ZNF609: variants seen among roughly 807,000 people sequenced by gnomAD.
ZNF609 encodes zinc finger protein 609.
ZNF609 carries 11 observed loss-of-function variants against 109.5 expected under a neutral mutation model. That is an observed-to-expected ratio of 0.10 (90% confidence interval 0.06 to 0.17). The LOEUF is 0.17. Ranked by LOEUF, ZNF609 falls within the 10% of genes least tolerant of loss-of-function variation. The pLI is 1.00. For missense variants in ZNF609, 1,559 were observed against 1,772.4 expected (o/e 0.88, Z 2.16); for synonymous variants, 646 against 662.0 (o/e 0.98, Z 0.37).
chr15:64,549,448 T>C (rs1259810772), intron 2 of ZNF609, among the ~76,000 whole-genome samples: 1 of 152,186 alleles, frequency 6.6e-6, no homozygotes, highest in Non-Finnish European at 1.5e-5. Context: ...AGTGCTGGGA[T>C]TACAGGCATG....
At chr15:64,676,388 T>C in intron 5 of ZNF609, 132 bp downstream of exon 5, 2 of 750,906 alleles carry the variant, frequency 2.7e-6, no homozygotes, top group Non-Finnish European at 4.0e-6. Flanking sequence ...TTTTAAGGAT[T>C]CTTTACCTTT....
chr15:64,532,204 A>T (rs1007748364), intron 2 of ZNF609, among the ~76,000 whole-genome samples: 2 of 152,128 alleles, frequency 1.3e-5, no homozygotes, highest in African/African-American at 2.4e-5. Context: ...TCAAGTCTTC[A>T]CTCAAATGTC....
chr15:64,493,044 A>C (rs546720102), intron 1 of ZNF609, among the ~76,000 whole-genome samples: 58 of 152,332 alleles, frequency 3.8e-4, no homozygotes, highest in African/African-American at 1.3e-3. Context: ...ATTGATCCAA[A>C]ATCCATAAGA....
Position 64,476,123 on chromosome 15 carries a change from A to G in ZNF609, c.-128+15285A>G, listed in dbSNP as rs910305940. 2.9e-4 allele frequency among the ~76,000 whole-genome samples: 44 copies of G among 152,192 alleles called. 1 individual carries two copies. Among genetic ancestry groups the G allele is most frequent in the Non-Finnish European group, 1.5e-5 (1 of 68,034 alleles). ...TGGCAGGTGGAGGTGAGATAAATTT[A>G]GTCACAGGAACCAAATTGGTTCTGC... On this transcript the variant is annotated intron_variant, in intron 1 of 9. Coordinates refer to ENST00000326648, the MANE Select transcript of ZNF609 (RefSeq NM_015042.2).
At chr15:64,498,190 C>T (rs1053143108) in intron 1 of ZNF609, among the ~76,000 whole-genome samples, 3 of 152,074 alleles carry the variant, frequency 2.0e-5, no homozygotes, top group African/African-American at 7.2e-5. Flanking sequence ...GCTGGGATTA[C>T]AGGTGCCTGA....
chr15:64,686,040 A>C lies in ZNF609; in HGVS notation c.*4354A>C, dbSNP rs2083238379. 1 of 152,100 alleles carries C rather than the reference A, an allele frequency of 6.6e-6. No homozygotes were observed. The highest frequency in any genetic ancestry group is 2.4e-5 in the African/African-American group (1 of 41,376). 9.4% of individuals were successfully genotyped at this position (152,100 alleles called of 1,614,324 possible). A position where few individuals can be genotyped will look rare whatever the true frequency, so the allele number is the denominator to read the frequency against. On this transcript the variant is annotated 3_prime_UTR_variant, in exon 10 of 10. Coordinates refer to ENST00000326648, the MANE Select transcript of ZNF609 (RefSeq NM_015042.2). Reference sequence around the variant, plus strand: ...TTAAATTATTTGTTGTATTTATTGAATAAAGTTTTTAATGTCCCTGTTCTT... The same window carrying C: ...TTAAATTATTTGTTGTATTTATTGACTAAAGTTTTTAATGTCCCTGTTCTT...
At chr15:64,485,571 G>A (rs535475513) in intron 1 of ZNF609, among the ~76,000 whole-genome samples, 1 of 152,326 alleles carries the variant, frequency 6.6e-6, no homozygotes, top group South Asian at 2.1e-4. Flanking sequence ...GGGAGGTTGA[G>A]GTGGGAGGAT....
chr15:64,606,502 T>C (rs1428341119), intron 2 of ZNF609, among the ~76,000 whole-genome samples: 3 of 139,482 alleles, frequency 2.2e-5, no homozygotes, highest in Non-Finnish European at 4.5e-5. Flanking sequence ...GAGGTTGCAG[T>C]GAGCCGAGAC....
intron 3 of ZNF609, among the ~76,000 whole-genome samples, chr15:64,633,908 A>G (rs939710971): frequency 5.9e-5 from 9 of 151,956 alleles, no homozygotes; most frequent in African/African-American, 2.2e-4. Flanking sequence ...TAAAAAAAAA[A>G]ATGTTTACCA....
At chr15:64,566,529 G>A (rs1894780691) in intron 2 of ZNF609, among the ~76,000 whole-genome samples, 1 of 152,224 alleles carries the variant, frequency 6.6e-6, no homozygotes, top group African/African-American at 2.4e-5. Context: ...TGGCCATGAT[G>A]TGATTTGATG....
intron 2 of ZNF609, among the ~76,000 whole-genome samples, chr15:64,614,403 T>C (rs993598290): frequency 1.3e-5 from 2 of 151,980 alleles, no homozygotes; most frequent in East Asian, 3.9e-4. Context: ...CTATTTTTTT[T>C]ATTTTTATTT....
chr15:64,535,424 A>G (rs1894125764), intron 2 of ZNF609, among the ~76,000 whole-genome samples: 1 of 152,208 alleles, frequency 6.6e-6, no homozygotes, highest in African/African-American at 2.4e-5. Flanking sequence ...CTGGAGATTC[A>G]TCCAGGTTGT....
intron 2 of ZNF609, among the ~76,000 whole-genome samples, chr15:64,519,662 C>T (rs1437149318): frequency 6.6e-6 from 1 of 152,142 alleles, no homozygotes; most frequent in Non-Finnish European, 1.5e-5. Context: ...TTATTTTAAC[C>T]ATTTGCCATA....
intron 2 of ZNF609, among the ~76,000 whole-genome samples, chr15:64,582,806 C>T (rs1306631533): frequency 8.6e-6 from 1 of 115,872 alleles, no homozygotes; most frequent in Non-Finnish European, 1.6e-5. Context: ...GGATGGAGTG[C>T]AGTGGCGTAA....
chr15:64,501,178 G>A (rs1273767124), intron 2 of ZNF609: 1 of 152,146 alleles, frequency 6.6e-6, no homozygotes, highest in Non-Finnish European at 1.5e-5. Context: ...AGCAGATGCA[G>A]TATAAATTGA....
At chr15:64,463,262 G>A (rs984639451) in intron 1 of ZNF609, among the ~76,000 whole-genome samples, 3 of 152,150 alleles carry the variant, frequency 2.0e-5, no homozygotes, top group Non-Finnish European at 2.9e-5. Context: ...GCTGGGTGTA[G>A]TGGCATACGC....
In ZNF609 at chr15:64,642,755, C is replaced by G. The variant is rs1896281191; in HGVS notation, c.973+19703C>G. 2.6e-5 allele frequency among the ~76,000 whole-genome samples: 4 copies of G among 152,310 alleles called. 1 individual carries two copies. In the South Asian group the frequency reaches 8.3e-4, roughly 32 times the overall value. On this transcript the variant is annotated intron_variant, in intron 3 of 9. Transcript: ENST00000326648. ...GCTGCAGTGAGCCCTGACTGTGCCA[C>G]TGCACTCTAGCCTGGGTGACAGAGC...
intron 1 of ZNF609, among the ~76,000 whole-genome samples, chr15:64,493,540 C>G (rs890637426): frequency 6.6e-6 from 1 of 152,144 alleles, no homozygotes; most frequent in African/African-American, 2.4e-5. Context: ...GTCCCTTAAA[C>G]ATATCCATGT....
Position 64,675,432 on chromosome 15 carries a change from G to A in ZNF609, c.2578G>A (p.Asp860Asn). 6 of 1,614,222 alleles carry A rather than the reference G, an allele frequency of 3.7e-6. No individual in the cohort carries two copies. The highest frequency in any genetic ancestry group is 5.1e-6 in the Non-Finnish European group (6 of 1,180,048). Residue 860 changes from aspartate to asparagine, a missense_variant, in exon 5 of 10, where the codon GAC (aspartate) becomes AAC (asparagine). Coordinates refer to ENST00000326648, the MANE Select transcript of ZNF609 (RefSeq NM_015042.2). ...DAGEDGEGKV[D>N]SVKSKDAEQL... is the part of the protein sequence containing the mutation. Reference sequence around the variant, plus strand: ...TGGGGAGGATGGGGAGGGCAAGGTAGACAGTGTCAAATCAAAGGACGCCGA... The same window carrying A: ...TGGGGAGGATGGGGAGGGCAAGGTAAACAGTGTCAAATCAAAGGACGCCGA...
Sources: allele counts gnomAD v4.1 joint callset (sites outside exome capture counted in the v4.1 genomes callset), GRCh38; gene constraint gnomAD v4.1.1; transcripts MANE v1.5; gene names NCBI Gene and HGNC (gene_info 2026-07-23, HGNC 2026-07-21).